Variants in XKR6 observed in about 807,000 individuals in gnomAD.
XKR6 encodes XK-related protein 6.
Under a neutral mutation model 56.7 loss-of-function variants are expected in XKR6, and 22 were observed. That is an observed-to-expected ratio of 0.39 (90% CI 0.28 to 0.55). The LOEUF is 0.55. Ranked by LOEUF, XKR6 falls within the 20% of genes least tolerant of loss-of-function variation. The probability of loss-of-function intolerance (pLI) is 0.66; values close to 1 mark genes in which losing one functional copy is unlikely to be tolerated. For synonymous variants in XKR6, 524 were observed against 387.8 expected, an observed-to-expected ratio of 1.35 and a Z score of -4.13; for missense variants, 852 against 889.0, an observed-to-expected ratio of 0.96 and a Z score of 0.53.
At chr8:10,919,876 A>G (rs777077648) in intron 2 of XKR6, among the ~76,000 whole-genome samples, 5 of 152,252 alleles carry the variant, frequency 3.3e-5, no homozygotes, top group Admixed American at 6.5e-5. Context: ...CTTTCAAGAC[A>G]TCAGGCTTAA....
intron 1 of XKR6, among the ~76,000 whole-genome samples, chr8:11,065,054 T>TA (rs1238327836): frequency 3.3e-5 from 5 of 152,170 alleles, no homozygotes; most frequent in Admixed American, 6.5e-5. Flanking sequence ...GCATAAAATT[T>TA]AAAAAAATCA....
At chr8:10,939,968 C>G (rs1801340711) in intron 1 of XKR6, among the ~76,000 whole-genome samples, 1 of 152,210 alleles carries the variant, frequency 6.6e-6, no homozygotes, top group Non-Finnish European at 1.5e-5. Flanking sequence ...CACATCGTAG[C>G]ACAAGGGGTG....
intron 1 of XKR6, among the ~76,000 whole-genome samples, chr8:11,003,780 A>T (rs2129143782): frequency 6.6e-6 from 1 of 152,332 alleles, no homozygotes; most frequent in Non-Finnish European, 1.5e-5. Flanking sequence ...ATGCTAACAC[A>T]TAATAAATGC....
intron 1 of XKR6, among the ~76,000 whole-genome samples, chr8:11,043,757 G>T (rs1245687900): frequency 6.6e-6 from 1 of 152,212 alleles, no homozygotes; most frequent in Non-Finnish European, 1.5e-5. Flanking sequence ...CAGGAGGTTG[G>T]ATGCACCTCA....
chr8:11,165,933 G>GTATATA (rs201774023), intron 1 of XKR6, among the ~76,000 whole-genome samples: 8 of 146,408 alleles, frequency 5.5e-5, no homozygotes, highest in African/African-American at 2.0e-4. Flanking sequence ...ATACATTCAT[G>GTATATA]TATATATATA....
chr8:10,984,732 C>CTCTCTCCCTCTATATATATATATATATA, intron 1 of XKR6, among the ~76,000 whole-genome samples: 2 of 47,494 alleles, frequency 4.2e-5, no homozygotes, highest in African/African-American at 1.8e-4. Flanking sequence ...CTCTCTCTCT[C>CTCTCTCCCTCTATATATATATATATATA]TATATATATA....
intron 1 of XKR6, among the ~76,000 whole-genome samples, chr8:10,984,348 G>T (rs11783418): frequency 1.3e-5 from 2 of 151,964 alleles, no homozygotes; most frequent in East Asian, 3.8e-4. Context: ...CAACTCAAAA[G>T]GCTGTACCAC....
intron 1 of XKR6, among the ~76,000 whole-genome samples, chr8:11,043,220 A>AG (rs145448563): frequency 0.15 from 22,714 of 151,776 alleles, 1,824 homozygotes; most frequent in Non-Finnish European, 0.19. Context: ...GAAGAGGAAG[A>AG]GAAAAAAAAA....
chr8:11,073,389 C>G (rs1800184211), intron 1 of XKR6, among the ~76,000 whole-genome samples: 1 of 152,104 alleles, frequency 6.6e-6, no homozygotes, highest in Non-Finnish European at 1.5e-5. Flanking sequence ...CTCCAAAGAC[C>G]TCACAGTCTT....
At chr8:10,949,404 C>A (rs1015251191) in intron 1 of XKR6, among the ~76,000 whole-genome samples, 4 of 152,182 alleles carry the variant, frequency 2.6e-5, no homozygotes, top group African/African-American at 9.7e-5. Flanking sequence ...AGGCAAGCCC[C>A]TTAAAGACTT....
chr8:11,094,540 C>T (rs1176112054), intron 1 of XKR6, among the ~76,000 whole-genome samples: 6 of 152,150 alleles, frequency 3.9e-5, no homozygotes, highest in Non-Finnish European at 5.9e-5. Flanking sequence ...TCAAATGGAT[C>T]AGAGGACCTC....
intron 1 of XKR6, among the ~76,000 whole-genome samples, chr8:10,987,402 A>G (rs977326045): frequency 6.6e-6 from 1 of 152,216 alleles, no homozygotes; most frequent in African/African-American, 2.4e-5. Context: ...TCAGGCACCA[A>G]ACCACAGAGT....
At chr8:11,022,360 A>G (rs764695221) in intron 1 of XKR6, among the ~76,000 whole-genome samples, 83 of 152,076 alleles carry the variant, frequency 5.5e-4, no homozygotes, top group Non-Finnish European at 9.9e-4. Flanking sequence ...TTACATGTGG[A>G]CACAGGTACT....
intron 1 of XKR6, among the ~76,000 whole-genome samples, chr8:11,096,705 G>A (rs980379419): frequency 1.3e-5 from 2 of 152,214 alleles, no homozygotes; most frequent in African/African-American, 4.8e-5. Context: ...CATCAACCCA[G>A]GACAGGCAGG....
chr8:10,940,339 A>T (rs1801348594), intron 1 of XKR6, among the ~76,000 whole-genome samples: 1 of 152,186 alleles, frequency 6.6e-6, no homozygotes, highest in African/African-American at 2.4e-5. Flanking sequence ...CACATAGCTC[A>T]TGCCTTCAGG....
chr8:10,978,724 C>A (rs1797653881), intron 1 of XKR6, among the ~76,000 whole-genome samples: 1 of 152,246 alleles, frequency 6.6e-6, no homozygotes, highest in Non-Finnish European at 1.5e-5. Context: ...GACGCCCACC[C>A]TCTGCTTCAG....
intron 1 of XKR6, among the ~76,000 whole-genome samples, chr8:11,163,672 C>G (rs1801933632): frequency 6.6e-6 from 1 of 152,228 alleles, no homozygotes; most frequent in Non-Finnish European, 1.5e-5. Flanking sequence ...GCGTGGTCTG[C>G]TACCCCAGAC....
At chr8:11,176,673 G>A (rs967013039) in intron 1 of XKR6, among the ~76,000 whole-genome samples, 3 of 152,086 alleles carry the variant, frequency 2.0e-5, no homozygotes, top group Admixed American at 1.3e-4. Context: ...GCCACTCTGG[G>A]TGTCATGGTG....
chr8:11,047,400 T>C (rs1273157088), intron 1 of XKR6, among the ~76,000 whole-genome samples: 1 of 152,262 alleles, frequency 6.6e-6, no homozygotes, highest in Non-Finnish European at 1.5e-5. Flanking sequence ...CATGTGGCTT[T>C]CATGGGCTTC....
Sources: gnomAD v4.1 joint callset for allele counts (sites outside exome capture counted in the v4.1 genomes callset) on GRCh38, gnomAD v4.1.1 for gene constraint, MANE v1.5 for transcripts, NCBI Gene and HGNC (gene_info 2026-07-23, HGNC 2026-07-21) for gene names.